Variants in NKAIN3 observed in about 807,000 individuals in gnomAD.
The protein encoded by NKAIN3 is sodium/potassium transporting ATPase interacting 3.
In NKAIN3, 25 loss-of-function variants were observed where a neutral mutation model predicts 30.2. That is an observed-to-expected ratio of 0.83 (90% CI 0.60 to 1.16). NKAIN3 has a LOEUF of 1.16. NKAIN3 is among the 50% of genes most tolerant of loss of function. The pLI, the probability that NKAIN3 is intolerant of heterozygous loss-of-function variation, is 0.00. For synonymous variants in NKAIN3, 91 were observed against 89.6 expected, an observed-to-expected ratio of 1.02 and a Z score of -0.09; for missense variants, 225 against 254.1, an observed-to-expected ratio of 0.89 and a Z score of 0.78.
intron 6 of NKAIN3, among the ~76,000 whole-genome samples, chr8:62,962,711 A>G (rs145661117): frequency 4.6e-5 from 7 of 152,306 alleles, no homozygotes; most frequent in East Asian, 1.9e-4. Flanking sequence ...TGAGTTAGAG[A>G]CGCATGGAGA....
At chr8:62,963,194 T>C (rs998232091) in intron 6 of NKAIN3, among the ~76,000 whole-genome samples, 7 of 152,168 alleles carry the variant, frequency 4.6e-5, no homozygotes, top group African/African-American at 1.7e-4. Flanking sequence ...TGCCCAACCC[T>C]GTTTGATTTT....
At chr8:62,616,232 T>C (rs548481128) in intron 3 of NKAIN3, among the ~76,000 whole-genome samples, 3 of 152,210 alleles carry the variant, frequency 2.0e-5, no homozygotes, top group Middle Eastern at 3.4e-3. Flanking sequence ...AGAGCTAGCA[T>C]AGACCCCACA....
chr8:62,266,718 C>T (rs779909439), intron 1 of NKAIN3, among the ~76,000 whole-genome samples: 1 of 152,158 alleles, frequency 6.6e-6, no homozygotes, highest in Non-Finnish European at 1.5e-5. Flanking sequence ...GACAAGCTCA[C>T]CAGTGTGCCA....
chr8:62,369,726 A>G (rs145880821), intron 1 of NKAIN3, among the ~76,000 whole-genome samples: 23 of 151,516 alleles, frequency 1.5e-4, no homozygotes, highest in South Asian at 6.2e-4. Context: ...ATCCATAACC[A>G]TCAGGGGGAT....
chr8:62,336,974 C>A (rs1401624256), intron 1 of NKAIN3, among the ~76,000 whole-genome samples: 1 of 152,078 alleles, frequency 6.6e-6, no homozygotes, highest in Non-Finnish European at 1.5e-5. Flanking sequence ...CTAGAGAACC[C>A]AAGAAGGCTA....
intron 1 of NKAIN3, among the ~76,000 whole-genome samples, chr8:62,322,034 A>T (rs573202867): frequency 1.4e-4 from 22 of 151,928 alleles, no homozygotes; most frequent in South Asian, 1.2e-3. Flanking sequence ...AATGGCCGAC[A>T]CCCCTCCCCC....
At chr8:62,935,530 C>T (rs1170389424) in intron 5 of NKAIN3, among the ~76,000 whole-genome samples, 1 of 151,946 alleles carries the variant, frequency 6.6e-6, no homozygotes, top group Non-Finnish European at 1.5e-5. Flanking sequence ...AATATTTAAT[C>T]CAGATATTTT....
chr8:62,855,650 C>T, intron 4 of NKAIN3: 18 of 1,604,414 alleles, frequency 1.1e-5, no homozygotes, highest in Non-Finnish European at 1.4e-5. Flanking sequence ...CTCCAGGTTC[C>T]TGAAGTGCTG....
intron 2 of NKAIN3, among the ~76,000 whole-genome samples, chr8:62,587,093 C>T (rs1315432295): frequency 6.6e-6 from 1 of 151,878 alleles, no homozygotes; most frequent in African/African-American, 2.4e-5. Context: ...GGAAGGTAGG[C>T]AGTCTCTTTG....
chr8:62,901,314 T>C (rs1821607348), intron 4 of NKAIN3, among the ~76,000 whole-genome samples: 1 of 152,172 alleles, frequency 6.6e-6, no homozygotes, highest in South Asian at 2.1e-4. Flanking sequence ...AAGATGGTAC[T>C]GAACTGGGAG....
intron 3 of NKAIN3, among the ~76,000 whole-genome samples, chr8:62,609,752 T>C (rs1036987800): frequency 1.2e-4 from 18 of 152,038 alleles, no homozygotes; most frequent in African/African-American, 3.9e-4. Flanking sequence ...AGAGCACAAA[T>C]ATGGGGGAAT....
At chr8:62,274,628 G>C (rs936075151) in intron 1 of NKAIN3, among the ~76,000 whole-genome samples, 2 of 151,640 alleles carry the variant, frequency 1.3e-5, no homozygotes, top group African/African-American at 2.4e-5. Flanking sequence ...AAGTTTTAGG[G>C]TACATGTGCA....
chr8:62,947,098 C>T (rs2130889872), intron 5 of NKAIN3, among the ~76,000 whole-genome samples: 1 of 152,230 alleles, frequency 6.6e-6, no homozygotes, highest in Admixed American at 6.5e-5. Flanking sequence ...GGGCTGTGAA[C>T]CCCATGAAAT....
intron 1 of NKAIN3, among the ~76,000 whole-genome samples, chr8:62,267,011 G>C (rs1442171221): frequency 6.6e-6 from 1 of 152,218 alleles, no homozygotes; most frequent in Non-Finnish European, 1.5e-5. Flanking sequence ...CCACTGGCTT[G>C]CCCTTGAATT....
intron 4 of NKAIN3, among the ~76,000 whole-genome samples, chr8:62,893,649 T>TGTGTGC (rs1483410522): frequency 1.3e-5 from 2 of 152,044 alleles, no homozygotes; most frequent in Non-Finnish European, 2.9e-5. Flanking sequence ...CTTGAATGTG[T>TGTGTGC]GTGTGTGTGT....
At chr8:62,994,436 A>T (rs750599416) in intron 5 of NKAIN3, among the ~76,000 whole-genome samples, 1 of 152,164 alleles carries the variant, frequency 6.6e-6, no homozygotes, top group Non-Finnish European at 1.5e-5. Context: ...CTCAGGAATG[A>T]TGTAAAAGAA....
intron 1 of NKAIN3, among the ~76,000 whole-genome samples, chr8:62,452,943 A>G (rs1805695987): frequency 6.6e-6 from 1 of 152,184 alleles, no homozygotes; most frequent in Non-Finnish European, 1.5e-5. Context: ...CACTCGGCAT[A>G]ATGGATTCTT....
chr8:62,474,298 T>C (rs892982058), intron 1 of NKAIN3: 6 of 152,200 alleles, frequency 3.9e-5, no homozygotes, highest in Non-Finnish European at 5.9e-5. Flanking sequence ...GGACAAACTC[T>C]TGGAGGTGAG....
At chr8:62,486,588 C>T (rs1187356591) in intron 1 of NKAIN3, among the ~76,000 whole-genome samples, 3 of 152,092 alleles carry the variant, frequency 2.0e-5, no homozygotes, top group East Asian at 1.9e-4. Context: ...TTGTATCTGA[C>T]GTTTGACTTG....
Sources: gnomAD v4.1 joint callset for allele counts (sites outside exome capture counted in the v4.1 genomes callset) on GRCh38, gnomAD v4.1.1 for gene constraint, MANE v1.5 for transcripts, NCBI Gene and HGNC (gene_info 2026-07-23, HGNC 2026-07-21) for gene names.